GPHN: variants seen among roughly 807,000 people sequenced by gnomAD.
GPHN encodes gephyrin.
A neutral mutation model predicts 95.5 loss-of-function variants in GPHN; 17 were observed. The ratio of observed to expected loss-of-function variants is 0.18; its 90% CI spans 0.12 to 0.27. The LOEUF (loss-of-function observed/expected upper bound fraction) is 0.27, where lower values mean the gene tolerates loss of function less well. Ranked by LOEUF, GPHN falls within the 10% of genes least tolerant of loss-of-function variation. The pLI is 1.00. For synonymous variants in GPHN, 320 were observed against 322.5 expected, an observed-to-expected ratio of 0.99 and a Z score of 0.08; for missense variants, 660 against 978.1, an observed-to-expected ratio of 0.67 and a Z score of 4.34.
intron 8 of GPHN, among the ~76,000 whole-genome samples, chr14:66,961,860 G>A (rs1234042401): frequency 5.5e-5 from 7 of 127,972 alleles, no homozygotes; most frequent in East Asian, 2.2e-4. Flanking sequence ...TTTAAAGAAG[G>A]TATTCATACC....
At chr14:67,461,838 A>C in the GPHN span, among the ~76,000 whole-genome samples, 1 of 152,286 alleles carries the variant, frequency 6.6e-6, no homozygotes, top group South Asian at 2.1e-4. Context: ...ACACTAAATA[A>C]CACCTGATGT....
At chr14:66,809,625 G>A (rs2060683581) in intron 3 of GPHN, among the ~76,000 whole-genome samples, 2 of 152,150 alleles carry the variant, frequency 1.3e-5, no homozygotes, top group Admixed American at 1.3e-4. Context: ...TGGCATACAA[G>A]TAACACCATA....
Position 66,629,171 on chromosome 14 carries a change from A to ATG in GPHN, c.65-51935_65-51934insGT, listed in dbSNP as rs1259356287. 4.9e-5 allele frequency among the ~76,000 whole-genome samples: 5 copies of ATG among 102,388 alleles called. 2 individuals carry two copies. Among genetic ancestry groups the ATG allele is most frequent in the Admixed American group, 2.1e-4 (2 of 9,388 alleles). 67.2% of individuals were successfully genotyped at this position (102,388 alleles called of 152,430 possible). On this transcript the variant is annotated intron_variant, in intron 1 of 22. Coordinates refer to ENST00000478722, the MANE Select transcript of GPHN (RefSeq NM_020806.5). ...TACATATATAAATATGTATATAAAT[A>ATG]TATATATACATATATAAATATGTAT...
At chr14:67,385,668 T>C in the GPHN span, 3 of 149,922 alleles carry the variant, frequency 2.0e-5, no homozygotes, top group Non-Finnish European at 3.0e-5. Flanking sequence ...CTTTTTTTTT[T>C]TTTTTTTTTG....
chr14:67,224,591 T>G, the GPHN span: 1 of 240,050 alleles, frequency 4.2e-6, no homozygotes, highest in East Asian at 1.4e-4. Flanking sequence ...TTTAAGTTTT[T>G]ACCTTTCTAG....
At chr14:66,899,487 T>C (rs2065025731) in intron 5 of GPHN, among the ~76,000 whole-genome samples, 1 of 151,952 alleles carries the variant, frequency 6.6e-6, no homozygotes, top group East Asian at 1.9e-4. Flanking sequence ...GTGTTTGATT[T>C]TGTCCGGTGA....
At chr14:67,139,233 A>G (rs2080307726) in intron 17 of GPHN, among the ~76,000 whole-genome samples, 1 of 150,936 alleles carries the variant, frequency 6.6e-6, no homozygotes, top group Admixed American at 6.6e-5. Flanking sequence ...AAAAAAAAAA[A>G]GAGAGAGAGA....
chr14:67,550,247 G>C, the GPHN span, among the ~76,000 whole-genome samples: 1 of 151,890 alleles, frequency 6.6e-6, no homozygotes, highest in Non-Finnish European at 1.5e-5. Context: ...GGAGTGCAGT[G>C]GCACCATCTC....
chr14:66,986,766 C>T (rs1375171652), intron 9 of GPHN, among the ~76,000 whole-genome samples: 1 of 152,060 alleles, frequency 6.6e-6, no homozygotes, highest in African/African-American at 2.4e-5. Context: ...TACCTTGAGG[C>T]CTAATATTCA....
At chr14:66,614,072 A>G (rs1262741623) in intron 1 of GPHN, among the ~76,000 whole-genome samples, 6 of 152,252 alleles carry the variant, frequency 3.9e-5, no homozygotes, top group African/African-American at 7.2e-5. Flanking sequence ...GAGAGATACT[A>G]TACCTTTGTT....
the GPHN span, among the ~76,000 whole-genome samples, chr14:67,293,035 C>T: frequency 6.6e-6 from 1 of 152,114 alleles, no homozygotes; most frequent in East Asian, 1.9e-4. Flanking sequence ...GAATTTTAAG[C>T]ATTATACATT....
intron 17 of GPHN, among the ~76,000 whole-genome samples, chr14:67,137,321 A>G (rs185241787): frequency 0.012 from 1,757 of 151,446 alleles, 17 homozygotes; most frequent in Non-Finnish European, 0.018. Flanking sequence ...AATTTTTTGT[A>G]TTTTTAGTAG....
chr14:66,656,805 A>G (rs993737261), intron 1 of GPHN, among the ~76,000 whole-genome samples: 19 of 152,106 alleles, frequency 1.2e-4, no homozygotes, highest in Admixed American at 5.2e-4. Context: ...CTTAATGACC[A>G]TTTCCCCATC....
intron 12 of GPHN, 24 bp from the exon 13 acceptor site, chr14:67,100,832 T>C (rs2077661150): frequency 1.9e-6 from 3 of 1,550,606 alleles, no homozygotes; most frequent in Non-Finnish European, 2.7e-6. Context: ...TGATGTTTGT[T>C]CTTGGCTCTG....
At chr14:67,499,117 C>T in the GPHN span, among the ~76,000 whole-genome samples, 27 of 152,176 alleles carry the variant, frequency 1.8e-4, no homozygotes, top group East Asian at 5.0e-3. Context: ...ATCTTCCTGC[C>T]TTAGCCTCCT....
the GPHN span, chr14:67,600,380 C>A: frequency 1.8e-6 from 1 of 555,520 alleles, no homozygotes; most frequent in Non-Finnish European, 3.1e-6. Flanking sequence ...GTGCGTTCTT[C>A]CGGGCCGGCC....
the GPHN span, among the ~76,000 whole-genome samples, chr14:67,597,176 T>A: frequency 2.0e-5 from 3 of 152,222 alleles, no homozygotes; most frequent in Admixed American, 2.0e-4. Flanking sequence ...TACTATCTAG[T>A]CTTTTAATGA....
intron 1 of GPHN, among the ~76,000 whole-genome samples, chr14:66,531,528 C>A (rs915737869): frequency 6.6e-6 from 1 of 152,156 alleles, no homozygotes; most frequent in African/African-American, 2.4e-5. Flanking sequence ...TCATATAATA[C>A]ATGACAAACT....
intron 2 of GPHN, chr14:66,709,597 T>TA (rs1326695025): frequency 3.1e-6 from 1 of 324,480 alleles, no homozygotes; most frequent in African/African-American, 2.2e-5. Flanking sequence ...AAAACCTAAG[T>TA]ATTATTTATG....
Sources: gnomAD v4.1 joint callset for allele counts (sites outside exome capture counted in the v4.1 genomes callset) on GRCh38, gnomAD v4.1.1 for gene constraint, MANE v1.5 for transcripts, NCBI Gene and HGNC (gene_info 2026-07-23, HGNC 2026-07-21) for gene names.